Variants in HMG20A observed in about 807,000 individuals in gnomAD.
HMG20A encodes high mobility group protein 20A.
In HMG20A, 17 loss-of-function variants were observed where a neutral mutation model predicts 43.9. The ratio of observed to expected loss-of-function variants is 0.39; its 90% confidence interval spans 0.27 to 0.58. The LOEUF (loss-of-function observed/expected upper bound fraction) is 0.58, where lower values mean the gene tolerates loss of function less well. Ranked by LOEUF, HMG20A falls within the 20% of genes least tolerant of loss-of-function variation. HMG20A has a pLI of 0.59. For synonymous variants in HMG20A, 132 were observed against 147.5 expected (o/e 0.89, Z 0.76); for missense variants, 341 against 438.2 (o/e 0.78, Z 1.98).
intron 1 of HMG20A, among the ~76,000 whole-genome samples, chr15:77,437,666 G>A (rs1266380412): frequency 6.6e-6 from 1 of 151,684 alleles, no homozygotes; most frequent in Non-Finnish European, 1.5e-5. Context: ...CTGCCTCCTG[G>A]GTTCAAGCGA....
intron 1 of HMG20A, among the ~76,000 whole-genome samples, chr15:77,432,733 A>G (rs1265287962): frequency 6.6e-6 from 1 of 151,690 alleles, no homozygotes; most frequent in East Asian, 1.9e-4. Context: ...AAAAAAAAAA[A>G]AAAAAAAAGA....
At chr15:77,519,706 T>G in the HMG20A span, among the ~76,000 whole-genome samples, 1 of 152,054 alleles carries the variant, frequency 6.6e-6, no homozygotes, top group Non-Finnish European at 1.5e-5. Flanking sequence ...GCAAAAAAAT[T>G]CTGTTGTTTA....
intron 1 of HMG20A, among the ~76,000 whole-genome samples, chr15:77,443,858 G>A (rs762659549): frequency 6.6e-6 from 1 of 151,886 alleles, no homozygotes; most frequent in Non-Finnish European, 1.5e-5. Context: ...TCACAGGCGC[G>A]TGCCCCCATG....
rs34114445 is a variant in HMG20A at position 77,456,634 on chromosome 15, C to CAAAAAAAAAAAAAAAAA, written c.-4-1765_-4-1749dup. ...GGCGTGGGCAACAGAGCGAGACTGT[C>CAAAAAAAAAAAAAAAAA]AAAAAAAAAAAAAAAAAAAAAGCCA... On this transcript the variant is annotated intron_variant, in intron 1 of 9. Coordinates refer to ENST00000336216, the MANE Select transcript of HMG20A (RefSeq NM_001304504.2). 2.1e-5 allele frequency among the ~76,000 whole-genome samples: 2 copies of CAAAAAAAAAAAAAAAAA among 95,386 alleles called. 1 individual carries two copies. The highest frequency in any genetic ancestry group is 8.2e-5 in the African/African-American group (2 of 24,452). The allele number at this position is 95,386 out of a possible 152,430, so 62.6% of individuals were successfully genotyped here. A position where few individuals can be genotyped will look rare whatever the true frequency, so the allele number is the denominator to read the frequency against.
intron 1 of HMG20A, among the ~76,000 whole-genome samples, chr15:77,425,009 C>G: frequency 6.6e-6 from 1 of 152,016 alleles, no homozygotes; most frequent in East Asian, 1.9e-4. Flanking sequence ...TTTGCTCATG[C>G]TATTTTCTGC....
intron 1 of HMG20A, among the ~76,000 whole-genome samples, chr15:77,443,379 G>GATGATTATTATTATTATTATTATT (rs576920554): frequency 7.6e-6 from 1 of 131,332 alleles, no homozygotes; most frequent in African/African-American, 2.8e-5. Flanking sequence ...TGATGATGAT[G>GATGATTATTATTATTATTATTATT]ATTATTATTA....
chr15:77,438,137 ATTTTTTTTTTT>A (rs34192592), intron 1 of HMG20A, among the ~76,000 whole-genome samples: 2 of 113,456 alleles, frequency 1.8e-5, no homozygotes, highest in African/African-American at 6.8e-5. Context: ...TTTAGTTTTA[ATTTTTTTTTTT>A]TTTTTTTTTT....
intron 1 of HMG20A, among the ~76,000 whole-genome samples, chr15:77,429,322 G>A (rs2073459809): frequency 6.6e-6 from 1 of 152,076 alleles, no homozygotes; most frequent in African/African-American, 2.4e-5. Context: ...CTCCCAAGTA[G>A]CTGGGATTAC....
At chr15:77,491,832 G>A in the HMG20A span, among the ~76,000 whole-genome samples, 5 of 152,230 alleles carry the variant, frequency 3.3e-5, no homozygotes. Flanking sequence ...CAGCGTGACT[G>A]GAACACAGGT....
In HMG20A at chr15:77,467,323, C is replaced by T. The variant is rs761410731; in HGVS notation, c.450+16C>T. ...GGAAAAACAGGTAATTGTTCCTATT[C>T]CTGACTCTTTGTTTGGTTTTGATTA... On this transcript the variant is annotated intron_variant, in intron 4 of 9. Transcript: ENST00000336216. The T allele has an allele frequency of 1.9e-6, 3 of 1,581,654 alleles. No homozygotes were observed. In the East Asian group the frequency reaches 6.7e-5, roughly 35 times the overall value.
At chr15:77,488,296 A>G (rs910365761), downstream of HMG20A, among the ~76,000 whole-genome samples, 4 of 152,154 alleles carry the variant, frequency 2.6e-5, no homozygotes, top group African/African-American at 9.7e-5. Flanking sequence ...TCTTCATTTC[A>G]CTTTAATTCA....
At chr15:77,519,140 AT>A in the HMG20A span, among the ~76,000 whole-genome samples, 1 of 152,202 alleles carries the variant, frequency 6.6e-6, no homozygotes, top group Non-Finnish European at 1.5e-5. Context: ...CCTCAGTGAT[AT>A]AGAAAAAAGA....
chr15:77,431,544 A>G (rs958662907), intron 1 of HMG20A, among the ~76,000 whole-genome samples: 2 of 151,968 alleles, frequency 1.3e-5, no homozygotes, highest in Admixed American at 1.3e-4. Flanking sequence ...GACAAAAATT[A>G]TATGTATTTA....
the HMG20A span, among the ~76,000 whole-genome samples, chr15:77,508,919 A>T: frequency 2.0e-5 from 3 of 152,200 alleles, no homozygotes; most frequent in East Asian, 5.8e-4. Flanking sequence ...AAAGGTTTTC[A>T]TCTGGCCCTG....
At chr15:77,477,221 A>T (rs1010028016) in intron 6 of HMG20A, among the ~76,000 whole-genome samples, 2 of 152,216 alleles carry the variant, frequency 1.3e-5, no homozygotes, top group Admixed American at 1.3e-4. Flanking sequence ...TCCCACTGCA[A>T]TCACTTTCAC....
intron 1 of HMG20A, 200 bp from the exon 2 acceptor site, chr15:77,458,204 A>G (rs112383954): frequency 9.4e-6 from 4 of 424,024 alleles, no homozygotes; most frequent in East Asian, 4.3e-5. Context: ...CAGTCTGGTC[A>G]GTTGATAAGA....
intron 1 of HMG20A, among the ~76,000 whole-genome samples, chr15:77,448,534 TC>T (rs1280274405): frequency 6.6e-6 from 1 of 152,172 alleles, no homozygotes; most frequent in Non-Finnish European, 1.5e-5. Flanking sequence ...CTTGAACTGT[TC>T]CTAACCTCTT....
In HMG20A at chr15:77,479,164, C is replaced by T. The variant is rs1410436434; in HGVS notation, c.908-15C>T. 2 of 1,612,530 alleles carry T rather than the reference C, an allele frequency of 1.2e-6. No homozygotes were observed. Among genetic ancestry groups the T allele is most frequent in the Non-Finnish European group, 8.5e-7 (1 of 1,178,830 alleles). ...ATAGGGAGGATTTTCTTACTTTCTTCTTATCTCACTTCAGGAAGTGGAGAG... is the reference window on the plus strand; with the variant it reads ...ATAGGGAGGATTTTCTTACTTTCTTTTTATCTCACTTCAGGAAGTGGAGAG... On this transcript the variant is annotated splice_polypyrimidine_tract_variant and intron_variant, in intron 8 of 9. Coordinates refer to ENST00000336216, the MANE Select transcript of HMG20A (RefSeq NM_001304504.2).
intron 4 of HMG20A, among the ~76,000 whole-genome samples, chr15:77,469,331 G>A (rs768688612): frequency 4.6e-5 from 7 of 151,030 alleles, no homozygotes; most frequent in Non-Finnish European, 1.0e-4. Flanking sequence ...TATCATTATG[G>A]TTACAACGTG....
Sources: gnomAD v4.1 joint callset for allele counts (sites outside exome capture counted in the v4.1 genomes callset) on GRCh38, gnomAD v4.1.1 for gene constraint, MANE v1.5 for transcripts, NCBI Gene and HGNC (gene_info 2026-07-23, HGNC 2026-07-21) for gene names.